Variants in PTPRD observed in about 807,000 individuals in gnomAD.
The protein encoded by PTPRD is receptor-type tyrosine-protein phosphatase delta.
In PTPRD, 34 loss-of-function variants were observed where a neutral mutation model predicts 214.5. The ratio of observed to expected loss-of-function variants is 0.16; its 90% CI spans 0.12 to 0.21. The LOEUF is 0.21. PTPRD is among the 10% of genes least tolerant of loss of function. The pLI, the probability that PTPRD is intolerant of heterozygous loss-of-function variation, is 1.00. For missense variants in PTPRD, 2,545 were observed against 2,398.7 expected (o/e 1.06, Z -1.27); for synonymous variants, 1,128 against 845.7 (o/e 1.33, Z -5.79).
chr9:9,267,463 T>C (rs1940486507), intron 9 of PTPRD, among the ~76,000 whole-genome samples: 1 of 151,300 alleles, frequency 6.6e-6, no homozygotes, highest in African/African-American at 2.4e-5. Flanking sequence ...TGGTGAATTC[T>C]ACCAAACATT....
chr9:8,816,665 T>C (rs7872026), intron 11 of PTPRD, among the ~76,000 whole-genome samples: 105,271 of 152,076 alleles, frequency 0.69, 36,722 homozygotes, highest in Middle Eastern at 0.79. Context: ...TTTGTTACCC[T>C]GTTAGAGATG....
intron 14 of PTPRD, among the ~76,000 whole-genome samples, chr9:8,574,773 G>T (rs2092014409): frequency 6.6e-6 from 1 of 151,910 alleles, no homozygotes; most frequent in South Asian, 2.1e-4. Context: ...TCAATTAATT[G>T]CTTAGTTAAT....
At chr9:9,454,739 C>A (rs910225568) in intron 8 of PTPRD, among the ~76,000 whole-genome samples, 1 of 151,304 alleles carries the variant, frequency 6.6e-6, no homozygotes, top group Non-Finnish European at 1.5e-5. Flanking sequence ...TAAAAGTTAA[C>A]AACATTCTAC....
chr9:9,325,072 C>T (rs1025572854), intron 9 of PTPRD, among the ~76,000 whole-genome samples: 10 of 152,256 alleles, frequency 6.6e-5, no homozygotes, highest in African/African-American at 1.9e-4. Flanking sequence ...GGTACAAGTA[C>T]CACGCTGTTT....
intron 15 of PTPRD, among the ~76,000 whole-genome samples, chr9:8,527,646 C>A (rs1195202903): frequency 6.6e-6 from 1 of 152,018 alleles, no homozygotes; most frequent in Admixed American, 6.6e-5. Flanking sequence ...ATATTACTAC[C>A]AATGTCAAAG....
At position 8,485,308 on chromosome 9, in the gene PTPRD, A is replaced by G. The variant is rs2096975743; in HGVS notation, c.3072T>C (p.Phe1024=). ...AAGTCTTCATTACTGCTTTGACATG[A>G]AAATTTTTTGCAAACACTGCTGGAA... ...LPVDQVFAKN[F]HVKAVMKTSV... is the part of the protein sequence containing the mutation. The change falls in exon 29 of 46, where the codon TTT becomes TTC. Residue 1024 remains phenylalanine, a synonymous_variant. Coordinates refer to ENST00000381196, the MANE Select transcript of PTPRD (RefSeq NM_002839.4). 6.2e-7 allele frequency: 1 copy of G among 1,613,974 alleles called. No homozygotes were observed. Among genetic ancestry groups the G allele is most frequent in the Non-Finnish European group, 8.5e-7 (1 of 1,179,964 alleles).
chr9:9,618,029 G>A (rs1290385712), intron 7 of PTPRD, among the ~76,000 whole-genome samples: 3 of 120,084 alleles, frequency 2.5e-5, no homozygotes. Flanking sequence ...CCCAGATCGC[G>A]CCACTGCACT....
chr9:8,527,412 T>A, intron 15 of PTPRD, 59 bp from the exon 16 acceptor site: 1 of 1,520,376 alleles, frequency 6.6e-7, no homozygotes, highest in Non-Finnish European at 9.0e-7. Context: ...ATATTCCTTA[T>A]AATTTGGTAC....
chr9:10,039,067 A>G (rs1340709940), intron 3 of PTPRD, among the ~76,000 whole-genome samples: 1 of 152,098 alleles, frequency 6.6e-6, no homozygotes, highest in Non-Finnish European at 1.5e-5. Flanking sequence ...GCTACATGAA[A>G]AAGATGTACA....
chr9:9,088,117 A>C (rs1218166015), intron 10 of PTPRD, among the ~76,000 whole-genome samples: 1 of 150,702 alleles, frequency 6.6e-6, no homozygotes. Context: ...CCTGACCTGA[A>C]GTGATCTGCT....
chr9:8,823,598 C>T (rs1264017500), intron 11 of PTPRD, among the ~76,000 whole-genome samples: 1 of 151,852 alleles, frequency 6.6e-6, no homozygotes, highest in Non-Finnish European at 1.5e-5. Flanking sequence ...CTGCAGTGAG[C>T]TGTGATCACA....
chr9:8,865,507 G>A (rs960016809), intron 11 of PTPRD, among the ~76,000 whole-genome samples: 3 of 152,056 alleles, frequency 2.0e-5, no homozygotes, highest in South Asian at 2.1e-4. Flanking sequence ...AAAGCCTCCC[G>A]TATAGTCCAC....
chr9:9,972,764 T>C (rs1487889468), intron 4 of PTPRD, among the ~76,000 whole-genome samples: 2 of 152,152 alleles, frequency 1.3e-5, no homozygotes, highest in Non-Finnish European at 2.9e-5. Flanking sequence ...TGCCTTGTCT[T>C]GTGGCTTACG....
chr9:8,593,128 T>C (rs777660092), intron 14 of PTPRD, among the ~76,000 whole-genome samples: 2 of 152,142 alleles, frequency 1.3e-5, no homozygotes, highest in Non-Finnish European at 2.9e-5. Context: ...CTTTGGAAAG[T>C]CATATTCTCA....
intron 6 of PTPRD, among the ~76,000 whole-genome samples, chr9:9,740,164 T>G (rs1365470378): frequency 6.6e-6 from 1 of 151,766 alleles, no homozygotes; most frequent in East Asian, 1.9e-4. Context: ...GTTGATCTTG[T>G]GGTTTATTCA....
intron 10 of PTPRD, among the ~76,000 whole-genome samples, chr9:9,138,039 C>G (rs541922128): frequency 2.7e-4 from 41 of 152,118 alleles, no homozygotes; most frequent in Non-Finnish European, 7.4e-5. Flanking sequence ...AGGGATAGAG[C>G]TGAGATACTA....
intron 2 of PTPRD, among the ~76,000 whole-genome samples, chr9:10,452,734 G>A (rs1174822824): frequency 6.6e-6 from 1 of 151,744 alleles, no homozygotes; most frequent in Non-Finnish European, 1.5e-5. Flanking sequence ...TTTGCCTCAT[G>A]TCAGATACAT....
At chr9:9,100,689 C>T (rs777683058) in intron 10 of PTPRD, among the ~76,000 whole-genome samples, 9 of 152,088 alleles carry the variant, frequency 5.9e-5, no homozygotes, top group Admixed American at 2.0e-4. Flanking sequence ...AGCCACATTC[C>T]GAAGGGAATG....
chr9:9,807,314 C>T (rs1348345592), intron 5 of PTPRD, among the ~76,000 whole-genome samples: 1 of 152,076 alleles, frequency 6.6e-6, no homozygotes. Flanking sequence ...TATTCCCTGT[C>T]CTCTTCTTGT....
Sources: gnomAD v4.1 joint callset for allele counts (sites outside exome capture counted in the v4.1 genomes callset) on GRCh38, gnomAD v4.1.1 for gene constraint, MANE v1.5 for transcripts, NCBI Gene and HGNC (gene_info 2026-07-23, HGNC 2026-07-21) for gene names.